The following NSD2 variants were observed in gnomAD, a reference collection of about 807,000 sequenced individuals.
NSD2 encodes histone-lysine N-methyltransferase NSD2.
NSD2 carries 12 observed loss-of-function variants against 139.0 expected under a neutral mutation model. The observed-to-expected ratio is 0.09, with a 90% CI of 0.06 to 0.14. The LOEUF (loss-of-function observed/expected upper bound fraction) is 0.14, where lower values mean the gene tolerates loss of function less well. Among genes scored for constraint, NSD2 ranks in the 10% least tolerant of loss-of-function variants. The pLI, the probability that NSD2 is intolerant of heterozygous loss-of-function variation, is 1.00. For missense variants in NSD2, 1,155 were observed against 1,745.0 expected (o/e 0.66, Z 6.02); for synonymous variants, 669 against 648.7 (o/e 1.03, Z -0.48).
Position 1,917,296 on chromosome 4 carries a change from C to T in NSD2, c.927+259C>T, listed in dbSNP as rs142605460. ...GAATTTATATATACACATATATGTA[C>T]GTATATATGTGTATACACACACACA... On this transcript the variant is annotated intron_variant, in intron 4 of 21. Coordinates refer to ENST00000508803, the MANE Select transcript of NSD2 (RefSeq NM_001042424.3). Among the ~76,000 whole-genome samples, 164 of 151,868 alleles carry T rather than the reference C, an allele frequency of 1.1e-3. 1 individual carries two copies. The East Asian group carries it at 0.027, about 25-fold the overall frequency.
chr4:1,891,886 CAAAAACGA>C (rs893364401), intron 1 of NSD2, among the ~76,000 whole-genome samples: 144 of 147,136 alleles, frequency 9.8e-4, no homozygotes, highest in Non-Finnish European at 1.0e-3. Flanking sequence ...AAAAAACAAA[CAAAAACGA>C]AAAAACGAAA....
chr4:1,946,185 G>C (rs1723605060), intron 9 of NSD2: 7 of 1,020,224 alleles, frequency 6.9e-6, no homozygotes, highest in Non-Finnish European at 8.2e-6. Flanking sequence ...CATTAGAAAA[G>C]GTTTCTTAAA....
intron 9 of NSD2, among the ~76,000 whole-genome samples, chr4:1,950,310 C>T (rs1022427758): frequency 6.6e-6 from 1 of 152,206 alleles, no homozygotes; most frequent in African/African-American, 2.4e-5. Context: ...GAGATACAAC[C>T]TGCGAGCAAT....
intron 21 of NSD2, among the ~76,000 whole-genome samples, chr4:1,977,743 G>T (rs1727246308): frequency 6.8e-6 from 1 of 147,954 alleles, no homozygotes; most frequent in Non-Finnish European, 1.5e-5. Flanking sequence ...AGAAAGCTGA[G>T]ATAGCACCAT....
Position 1,964,842 on chromosome 4 carries a change from G to C in NSD2, c.3372+3691G>C, listed in dbSNP as rs1225102605. Among the ~76,000 whole-genome samples the C allele has an allele frequency of 2.0e-5, 3 of 152,074 alleles. No homozygotes were observed. In the East Asian group the frequency reaches 5.8e-4, roughly 29 times the overall value. On this transcript the variant is annotated intron_variant, in intron 18 of 21. Coordinates refer to ENST00000508803, the MANE Select transcript of NSD2 (RefSeq NM_001042424.3). The stretch of plus-strand genomic sequence containing the variant: ...AAATTTAGAAAATTAGACAGTGACT[G>C]CATGCTCAGGGAAAGGTACAGCTCA...
Position 1,925,778 on chromosome 4 carries a change from T to G in NSD2, c.1411-4848T>G, listed in dbSNP as rs569331423. ...TTTATATATCTATATATATATTTTT[T>G]TTTGTTTGTTTGTTTGTTTGTTTGT... is the stretch of plus-strand genomic sequence containing the variant. On this transcript the variant is annotated intron_variant, in intron 5 of 21. Coordinates refer to ENST00000508803, the MANE Select transcript of NSD2 (RefSeq NM_001042424.3). Among the ~76,000 whole-genome samples the G allele has an allele frequency of 3.7e-3, 554 of 151,168 alleles. 1 individual carries two copies. Among genetic ancestry groups the G allele is most frequent in the African/African-American group, 8.4e-3 (345 of 40,946 alleles).
intron 6 of NSD2, among the ~76,000 whole-genome samples, chr4:1,934,166 A>G (rs921153150): frequency 3.3e-5 from 5 of 151,370 alleles, no homozygotes; most frequent in Non-Finnish European, 7.4e-5. Context: ...GCTCACTGCA[A>G]CCTCCACCTC....
At chr4:1,872,048 GGCCGGC>G (rs1465355823) in intron 1 of NSD2, among the ~76,000 whole-genome samples, 1 of 151,630 alleles carries the variant, frequency 6.6e-6, no homozygotes, top group Non-Finnish European at 1.5e-5. Flanking sequence ...GGGGTCCCGG[GGCCGGC>G]GCCGGGGCCA....
intron 7 of NSD2, 85 bp downstream of exon 7, chr4:1,935,347 C>A: frequency 2.0e-6 from 2 of 1,020,168 alleles, no homozygotes; most frequent in Non-Finnish European, 3.0e-6. Context: ...TGGGAGCACA[C>A]ATGAGATGCA....
At chr4:1,971,952 C>A (rs1726528014) in intron 18 of NSD2, among the ~76,000 whole-genome samples, 1 of 152,226 alleles carries the variant, frequency 6.6e-6, no homozygotes. Flanking sequence ...GCTCAGTGAG[C>A]CAGACACTTG....
chr4:1,871,806 C>T (rs1426753346), intron 1 of NSD2, among the ~76,000 whole-genome samples: 4 of 141,866 alleles, frequency 2.8e-5, no homozygotes, highest in Admixed American at 7.0e-5. Flanking sequence ...CCGGGCGGAC[C>T]GCGGAGGCCG....
At chr4:1,913,655 CAT>C (rs929561985) in intron 3 of NSD2, among the ~76,000 whole-genome samples, 7 of 152,218 alleles carry the variant, frequency 4.6e-5, no homozygotes, top group Non-Finnish European at 7.3e-5. Flanking sequence ...CTGGTGGACA[CAT>C]GACTCGCTTG....
chr4:1,911,222 G>GA (rs1402860054), intron 3 of NSD2, among the ~76,000 whole-genome samples: 1 of 152,116 alleles, frequency 6.6e-6, no homozygotes, highest in Non-Finnish European at 1.5e-5. Context: ...GGTTCTCTTC[G>GA]AAGGGGATGT....
chr4:1,979,931 G>A lies in NSD2; in HGVS notation c.*1022G>A, dbSNP rs1010304189. On this transcript the variant is annotated 3_prime_UTR_variant, in exon 22 of 22. Transcript: ENST00000508803. Reference sequence around the variant, plus strand: ...TTAGGGAGCCCCGTAGGGCGCTGCAGGCCCCGGGGACCCCAGCACGTGGGT... The same window carrying A: ...TTAGGGAGCCCCGTAGGGCGCTGCAAGCCCCGGGGACCCCAGCACGTGGGT... 70 of 232,714 alleles carry A rather than the reference G, an allele frequency of 3.0e-4. No individual in the cohort carries two copies. The highest frequency in any genetic ancestry group is 1.5e-3 in the African/African-American group (68 of 45,440). The allele number at this position is 232,714 out of a possible 1,614,324, so 14.4% of individuals were successfully genotyped here. A position where few individuals can be genotyped will look rare whatever the true frequency, so the allele number is the denominator to read the frequency against.
intron 18 of NSD2, among the ~76,000 whole-genome samples, chr4:1,967,333 A>G (rs1466237272): frequency 1.3e-5 from 2 of 152,234 alleles, no homozygotes; most frequent in Non-Finnish European, 2.9e-5. Flanking sequence ...TAATCCCAGC[A>G]CTTTGGGAGG....
chr4:1,958,500 G>A lies in NSD2; in HGVS notation c.2985+464G>A, dbSNP rs1725052737. ...CCAGTGAGCTCGAGAGCCCCAGCAG[G>A]AGGAAGTGCAGCCAGGGCAGGGCTC... On this transcript the variant is annotated intron_variant, in intron 16 of 21. Transcript: ENST00000508803. This position sits in a 1 kb window ranked among gnomAD's most constrained non-coding sequence, Gnocchi z 4.6. 6.6e-6 allele frequency among the ~76,000 whole-genome samples: 1 copy of A among 152,252 alleles called. No individual in the cohort carries two copies. The highest frequency in any genetic ancestry group is 2.1e-4 in the South Asian group (1 of 4,838).
chr4:1,941,090 G>A, intron 9 of NSD2: 1 of 1,055,896 alleles, frequency 9.5e-7, no homozygotes, highest in Non-Finnish European at 1.1e-6. Context: ...ACATCTAGGA[G>A]CTTACTGAAA....
chr4:1,878,344 G>C (rs539048220), intron 1 of NSD2, among the ~76,000 whole-genome samples: 1 of 139,798 alleles, frequency 7.2e-6, no homozygotes, highest in Non-Finnish European at 1.5e-5. Context: ...CTGACCTCAA[G>C]TGATCTGCCT....
chr4:1,940,530 G>C, intron 9 of NSD2: 1 of 1,064,628 alleles, frequency 9.4e-7, no homozygotes, highest in Non-Finnish European at 1.1e-6. Flanking sequence ...AGGTAGTTTT[G>C]GTTTCCTGAT....
Sources: allele counts gnomAD v4.1 joint callset (sites outside exome capture counted in the v4.1 genomes callset), GRCh38; gene constraint gnomAD v4.1.1; non-coding constraint Gnocchi (gnomAD v3.1); transcripts MANE v1.5; gene names NCBI Gene and HGNC (gene_info 2026-07-23, HGNC 2026-07-21).